EIF2AK4: variants seen among roughly 807,000 people sequenced by gnomAD.
The protein encoded by EIF2AK4 is eIF-2-alpha kinase GCN2.
In EIF2AK4, 139 loss-of-function variants were observed where a neutral mutation model predicts 211.1. That is an observed-to-expected ratio of 0.66 (90% CI 0.57 to 0.76). The LOEUF is 0.76. Ranked by LOEUF, EIF2AK4 falls within the 30% of genes least tolerant of loss-of-function variation. EIF2AK4 has a pLI of 0.00. For synonymous variants in EIF2AK4, 710 were observed against 751.3 expected, an observed-to-expected ratio of 0.94 and a Z score of 0.90; for missense variants, 1,664 against 2,043.8, an observed-to-expected ratio of 0.81 and a Z score of 3.58.
rs74467447 is a variant in EIF2AK4, at chr15:39,941,996, A to G, written c.258-1387A>G. ...AAGCAAACATTATAATATCAGCTAC[A>G]TAAACTATGAATTATATAGCAAGGA... On this transcript the variant is annotated intron_variant, in intron 2 of 38. Coordinates refer to ENST00000263791, the MANE Select transcript of EIF2AK4 (RefSeq NM_001013703.4). Among the ~76,000 whole-genome samples the G allele has an allele frequency of 5.4e-4, 82 of 152,360 alleles. 1 individual carries two copies. The highest frequency in any genetic ancestry group is 1.9e-3 in the African/African-American group (79 of 41,588).
intron 9 of EIF2AK4, among the ~76,000 whole-genome samples, chr15:39,970,189 G>A (rs944987613): frequency 1.3e-5 from 2 of 152,248 alleles, no homozygotes; most frequent in Admixed American, 6.5e-5. Context: ...ATCCCTTTTT[G>A]TTCAAAGCTG....
intron 26 of EIF2AK4, 51 bp from the exon 27 acceptor site, chr15:40,011,230 T>G: frequency 6.7e-7 from 1 of 1,492,674 alleles, no homozygotes; most frequent in Non-Finnish European, 9.3e-7. Context: ...TTGTGTCTTG[T>G]TCAGTGCCAG....
intron 18 of EIF2AK4, among the ~76,000 whole-genome samples, chr15:39,995,569 GCTT>G (rs888391090): frequency 1.3e-5 from 2 of 151,100 alleles, no homozygotes; most frequent in Non-Finnish European, 3.0e-5. Flanking sequence ...TTGCCTTTTT[GCTT>G]CTTTTTTCTT....
intron 13 of EIF2AK4, 21 bp from the exon 14 acceptor site, chr15:39,985,784 T>A: frequency 6.2e-7 from 1 of 1,613,516 alleles, no homozygotes; most frequent in Non-Finnish European, 8.5e-7. Flanking sequence ...TTTGAGTTAT[T>A]GTGTGTTCGT....
In EIF2AK4 at chr15:39,943,377, T is replaced by C; in HGVS notation, c.258-6T>C. 1 of 1,502,614 alleles carries C rather than the reference T, an allele frequency of 6.7e-7. No homozygotes were observed. Among genetic ancestry groups the C allele is most frequent in the South Asian group, 1.3e-5 (1 of 75,982 alleles). The allele number at this position is 1,502,614 out of a possible 1,614,324, so 93.1% of individuals were successfully genotyped here. On this transcript the variant is annotated splice_polypyrimidine_tract_variant and splice_region_variant and intron_variant, in intron 2 of 38. Transcript: ENST00000263791. ...TTTTTTTTTTTTTTTTTTTTGCCTT[T>C]TCCAGAGTTCCTGAAATAGAGTTAA...
intron 9 of EIF2AK4, among the ~76,000 whole-genome samples, chr15:39,972,013 C>G (rs2034632000): frequency 6.6e-6 from 1 of 152,080 alleles, no homozygotes; most frequent in Non-Finnish European, 1.5e-5. Context: ...CAAGAATTGT[C>G]TATTACACCA....
intron 35 of EIF2AK4, among the ~76,000 whole-genome samples, chr15:40,031,626 G>A (rs1319141936): frequency 6.6e-6 from 1 of 152,046 alleles, no homozygotes; most frequent in Non-Finnish European, 1.5e-5. Flanking sequence ...AGAGATAATT[G>A]ACAAGGATTA....
In EIF2AK4 at chr15:40,025,972, T is replaced by C. The variant is rs1567009869; in HGVS notation, c.4390-5T>C. The C allele has an allele frequency of 6.2e-7, 1 of 1,613,736 alleles. No individual in the cohort carries two copies. Among genetic ancestry groups the C allele is most frequent in the Admixed American group, 1.7e-5 (1 of 59,980 alleles). ...AAATGATAGATCCGTTTCATTCTTT[T>C]TAAGGTTAAGTCTTTCGAGAAGGAA... is the stretch of plus-strand genomic sequence containing the variant. On this transcript the variant is annotated splice_region_variant and splice_polypyrimidine_tract_variant and intron_variant, in intron 32 of 38. Transcript: ENST00000263791.
chr15:40,017,349 A>C, intron 29 of EIF2AK4, 107 bp downstream of exon 29: 1 of 1,252,412 alleles, frequency 8.0e-7, no homozygotes, highest in Non-Finnish European at 1.1e-6. Context: ...CAGTAATATC[A>C]TTGGATACTT....
At chr15:40,023,775 T>C (rs1429221588) in intron 32 of EIF2AK4, among the ~76,000 whole-genome samples, 1 of 152,226 alleles carries the variant, frequency 6.6e-6, no homozygotes, top group Non-Finnish European at 1.5e-5. Flanking sequence ...TTCTATTTTA[T>C]TCATCTCCAC....
chr15:40,003,055 A>T, intron 22 of EIF2AK4, 138 bp from the exon 23 acceptor site: 1 of 1,300,010 alleles, frequency 7.7e-7, no homozygotes, highest in Non-Finnish European at 1.0e-6. Flanking sequence ...TTATAAATTT[A>T]GAGAACTCAA....
Position 39,992,863 on chromosome 15 carries a change from G to A in EIF2AK4, c.2766+15G>A, listed in dbSNP as rs1218868492. ...CATACAACCAGGTAAGAGGTTTTGT[G>A]GGGAAAAGGAATCTCAAAATTAAGG... On this transcript the variant is annotated intron_variant, in intron 18 of 38. Coordinates refer to ENST00000263791, the MANE Select transcript of EIF2AK4 (RefSeq NM_001013703.4). The A allele has an allele frequency of 4.3e-6, 7 of 1,612,790 alleles. No individual in the cohort carries two copies. Among genetic ancestry groups the A allele is most frequent in the Non-Finnish European group, 5.1e-6 (6 of 1,178,914 alleles).
At chr15:40,034,059 G>A (rs1030655899) in intron 37 of EIF2AK4, among the ~76,000 whole-genome samples, 16 of 151,736 alleles carry the variant, frequency 1.1e-4, no homozygotes, top group African/African-American at 3.6e-4. Flanking sequence ...TAAACGGTAG[G>A]CAGAAATAAC....
chr15:39,946,719 T>C (rs1249155799), intron 3 of EIF2AK4: 2 of 694,506 alleles, frequency 2.9e-6, no homozygotes, highest in East Asian at 2.7e-5. Flanking sequence ...AGCAACTTCA[T>C]TGTTGTCTTC....
At chr15:39,974,167 C>G (rs2034662921) in intron 11 of EIF2AK4, 1 of 153,384 alleles carries the variant, frequency 6.5e-6, no homozygotes, top group Admixed American at 6.5e-5. Flanking sequence ...ATGGCCCCAG[C>G]AGGTCTCGAT....
Position 39,996,964 on chromosome 15 carries a change from A to C in EIF2AK4, c.2767A>C (p.Lys923Gln). The change falls in exon 19 of 39, where the codon AAA becomes CAA. Residue 923 changes from lysine (K) to glutamine (Q), a missense_variant and splice_region_variant. Physicochemically the swap from Lys to Gln is moderately conservative, Grantham distance 53. Coordinates refer to ENST00000263791, the MANE Select transcript of EIF2AK4 (RefSeq NM_001013703.4). ...QGSTKSAYNQ[K>Q]VDLFSLGIIF... The stretch of plus-strand genomic sequence containing the variant: ...AAATGCAATTATTCTTCCCCCTCAG[A>C]AAGTGGATCTCTTCAGCCTGGGAAT... 6.2e-7 allele frequency: 1 copy of C among 1,607,444 alleles called. No individual in the cohort carries two copies. Among genetic ancestry groups the C allele is most frequent in the Non-Finnish European group, 8.5e-7 (1 of 1,174,050 alleles).
At chr15:39,992,537 C>T (rs1294346561) in intron 17 of EIF2AK4, 1 of 582,288 alleles carries the variant, frequency 1.7e-6, no homozygotes, top group African/African-American at 1.9e-5. Flanking sequence ...GGGGTCTTAT[C>T]TGGCACTGTC....
intron 21 of EIF2AK4, among the ~76,000 whole-genome samples, chr15:40,001,721 C>G (rs931728840): frequency 6.6e-6 from 1 of 151,522 alleles, no homozygotes; most frequent in African/African-American, 2.4e-5. Flanking sequence ...CAGCTCATAT[C>G]TAGATGAAGT....
chr15:39,988,755 C>T (rs2034901061), intron 15 of EIF2AK4, among the ~76,000 whole-genome samples: 1 of 152,164 alleles, frequency 6.6e-6, no homozygotes, highest in African/African-American at 2.4e-5. Context: ...AATCCCAGCA[C>T]TTTGGGAGGT....
Sources: gnomAD v4.1 joint callset for allele counts (sites outside exome capture counted in the v4.1 genomes callset) on GRCh38, gnomAD v4.1.1 for gene constraint, MANE v1.5 for transcripts, NCBI Gene and HGNC (gene_info 2026-07-23, HGNC 2026-07-21) for gene names.